Variants in SRGAP3 observed in about 807,000 individuals in gnomAD.
SRGAP3 encodes the protein SLIT-ROBO Rho GTPase-activating protein 3.
Under a neutral mutation model 121.1 loss-of-function variants are expected in SRGAP3, and 39 were observed. The ratio of observed to expected loss-of-function variants is 0.32; its 90% CI spans 0.25 to 0.42. SRGAP3 has a LOEUF of 0.42. Among genes scored for constraint, SRGAP3 ranks in the 10% least tolerant of loss-of-function variants. The pLI, the probability that SRGAP3 is intolerant of heterozygous loss-of-function variation, is 1.00. For missense variants in SRGAP3, 1,213 were observed against 1,470.6 expected, an observed-to-expected ratio of 0.82 and a Z score of 2.86; for synonymous variants, 601 against 570.0, an observed-to-expected ratio of 1.05 and a Z score of -0.77.
chr3:8,988,776 T>C (rs1297764301), intron 21 of SRGAP3, among the ~76,000 whole-genome samples: 2 of 152,200 alleles, frequency 1.3e-5, no homozygotes, highest in Admixed American at 6.5e-5. Context: ...CTGCTCCACT[T>C]CAGATCAGGC....
At chr3:9,114,532 C>A (rs1047386553) in intron 2 of SRGAP3, among the ~76,000 whole-genome samples, 1 of 152,194 alleles carries the variant, frequency 6.6e-6, no homozygotes, top group Non-Finnish European at 1.5e-5. Context: ...GAATGATTCA[C>A]GGGCTCACTG....
chr3:9,296,347 G>T (rs1171113986), intron 3 of SRGAP3, among the ~76,000 whole-genome samples: 1 of 152,152 alleles, frequency 6.6e-6, no homozygotes, highest in Non-Finnish European at 1.5e-5. Context: ...GGATGTTGGT[G>T]GTGTCTCACT....
At chr3:9,150,733 C>T (rs1038315433) in intron 1 of SRGAP3, among the ~76,000 whole-genome samples, 4 of 152,140 alleles carry the variant, frequency 2.6e-5, no homozygotes, top group African/African-American at 7.2e-5. Flanking sequence ...AAGTATGCTC[C>T]GCCTCTATGA....
At chr3:9,013,182 G>A (rs1355316422) in intron 17 of SRGAP3, 126 bp downstream of exon 17, 4 of 925,272 alleles carry the variant, frequency 4.3e-6, no homozygotes, top group Non-Finnish European at 6.9e-6. Flanking sequence ...GTGAAGCTCA[G>A]ATGAGAAAAT....
At chr3:8,996,166 T>A (rs1250621415) in intron 18 of SRGAP3, among the ~76,000 whole-genome samples, 1 of 152,226 alleles carries the variant, frequency 6.6e-6, no homozygotes, top group African/African-American at 2.4e-5. Context: ...ATTAGAAGGA[T>A]TAAGTGAGTG....
At chr3:9,211,026 G>T (rs1232023999) in intron 1 of SRGAP3, among the ~76,000 whole-genome samples, 1 of 152,182 alleles carries the variant, frequency 6.6e-6, no homozygotes, top group African/African-American at 2.4e-5. Context: ...CTCTCCAGAA[G>T]ATAGGGTTAT....
intron 3 of SRGAP3, among the ~76,000 whole-genome samples, chr3:9,277,740 C>G (rs1034324680): frequency 5.3e-5 from 8 of 152,154 alleles, no homozygotes; most frequent in Non-Finnish European, 7.4e-5. Flanking sequence ...GAGATGGCGC[C>G]ACTACACTGC....
intron 1 of SRGAP3, among the ~76,000 whole-genome samples, chr3:9,241,220 AT>A (rs1451108906): frequency 3.3e-5 from 5 of 152,176 alleles, no homozygotes; most frequent in African/African-American, 1.2e-4. Context: ...TACTCCATAT[AT>A]GACTGAGACA....
At chr3:9,111,264 T>G (rs1948611929) in intron 2 of SRGAP3, among the ~76,000 whole-genome samples, 1 of 152,098 alleles carries the variant, frequency 6.6e-6, no homozygotes, top group Admixed American at 6.5e-5. Context: ...CATGAGTGCC[T>G]GTAATAAGGG....
At chr3:9,263,047 C>T (rs1954286254) in intron 3 of SRGAP3, among the ~76,000 whole-genome samples, 1 of 152,194 alleles carries the variant, frequency 6.6e-6, no homozygotes, top group South Asian at 2.1e-4. Context: ...CAAATTAGAA[C>T]TCAGGATTAA....
intron 4 of SRGAP3, among the ~76,000 whole-genome samples, chr3:9,073,229 C>T (rs1560078489): frequency 6.6e-6 from 1 of 152,188 alleles, no homozygotes; most frequent in Non-Finnish European, 1.5e-5. Flanking sequence ...CTGCAGTCTT[C>T]ACCTCCCAAG....
intron 1 of SRGAP3, among the ~76,000 whole-genome samples, chr3:9,150,400 C>T (rs1575149044): frequency 6.6e-6 from 1 of 151,892 alleles, no homozygotes; most frequent in African/African-American, 2.4e-5. Context: ...CAATCTTCAT[C>T]CCAGGCACTT....
Position 9,240,989 on chromosome 3 carries a change from C to G in SRGAP3, c.67+7896G>C, listed in dbSNP as rs186694930. Among the ~76,000 whole-genome samples the G allele has an allele frequency of 1.9e-3, 292 of 152,216 alleles. 1 individual carries two copies. Among genetic ancestry groups the G allele is most frequent in the African/African-American group, 6.8e-3 (284 of 41,522 alleles). ...AAGGAAGTCAAAGGTTAAGACCCACCCCACACTTCCCCCACTGAAGGAACC... is the reference window on the plus strand; with the variant it reads ...AAGGAAGTCAAAGGTTAAGACCCACGCCACACTTCCCCCACTGAAGGAACC... On this transcript the variant is annotated intron_variant, in intron 1 of 21. Transcript: ENST00000383836.
chr3:9,332,360 T>G (rs898278603), intron 1 of SRGAP3, among the ~76,000 whole-genome samples: 3 of 152,208 alleles, frequency 2.0e-5, no homozygotes, highest in African/African-American at 4.8e-5. Context: ...CCTCAAGTGA[T>G]CCACCTGCCT....
At chr3:9,260,789 A>C (rs909489511) in intron 3 of SRGAP3, among the ~76,000 whole-genome samples, 3 of 152,234 alleles carry the variant, frequency 2.0e-5, no homozygotes, top group African/African-American at 7.2e-5. Context: ...GAAGTGAAGA[A>C]ATCACAGAGA....
intron 1 of SRGAP3, among the ~76,000 whole-genome samples, chr3:9,157,231 G>T (rs183786829): frequency 1.3e-5 from 2 of 152,282 alleles, no homozygotes; most frequent in Admixed American, 6.5e-5. Context: ...GGGGAAGCAA[G>T]CACGTCTTCA....
intron 3 of SRGAP3, among the ~76,000 whole-genome samples, chr3:9,296,327 T>C (rs1459684736): frequency 1.3e-5 from 2 of 152,220 alleles, no homozygotes; most frequent in Non-Finnish European, 2.9e-5. Flanking sequence ...TTGATAATAG[T>C]CATCCTAATG....
intron 3 of SRGAP3, among the ~76,000 whole-genome samples, chr3:9,261,694 A>G (rs1159690726): frequency 6.6e-6 from 1 of 152,000 alleles, no homozygotes; most frequent in African/African-American, 2.4e-5. Context: ...GAAATATGAG[A>G]CTATGTGAAA....
chr3:9,052,558 C>A (rs1259104161), intron 9 of SRGAP3, among the ~76,000 whole-genome samples: 2 of 152,144 alleles, frequency 1.3e-5, no homozygotes, highest in Non-Finnish European at 2.9e-5. Context: ...AGTCCCTGTC[C>A]AAATGAAAGA....
Sources: gnomAD v4.1 joint callset for allele counts (sites outside exome capture counted in the v4.1 genomes callset) on GRCh38, gnomAD v4.1.1 for gene constraint, MANE v1.5 for transcripts, NCBI Gene and HGNC (gene_info 2026-07-23, HGNC 2026-07-21) for gene names.